Variants in NAA20 observed in about 807,000 individuals in gnomAD.
NAA20 encodes N-alpha-acetyltransferase 20, NatB catalytic subunit.
A neutral mutation model predicts 23.8 loss-of-function variants in NAA20; 24 were observed. The observed-to-expected ratio is 1.01, with a 90% CI of 0.73 to 1.42. The LOEUF is 1.42. NAA20 is among the 40% of genes most tolerant of loss of function. NAA20 has a pLI of 0.00. For missense variants in NAA20, 166 were observed against 223.1 expected, an observed-to-expected ratio of 0.74 and a Z score of 1.63; for synonymous variants, 83 against 77.7, an observed-to-expected ratio of 1.07 and a Z score of -0.36.
intron 4 of NAA20, among the ~76,000 whole-genome samples, chr20:20,028,768 CAAGTA>C (rs2043323395): frequency 6.6e-6 from 1 of 151,672 alleles, no homozygotes; most frequent in Admixed American, 6.6e-5. Flanking sequence ...AGAAACCAAA[CAAGTA>C]GAGGAGAAGA....
intron 1 of NAA20, among the ~76,000 whole-genome samples, chr20:20,020,840 A>G (rs961619623): frequency 3.3e-5 from 5 of 152,142 alleles, no homozygotes; most frequent in East Asian, 1.9e-4. Context: ...GTTCAAGAGG[A>G]GCTGATGGCT....
chr20:20,029,170 ATTT>A (rs1243697699), intron 4 of NAA20, among the ~76,000 whole-genome samples: 2 of 152,202 alleles, frequency 1.3e-5, no homozygotes, highest in Non-Finnish European at 2.9e-5. Flanking sequence ...ATATTAAAAT[ATTT>A]TTAATACAGA....
chr20:20,033,385 G>T lies in NAA20; in HGVS notation c.*198G>T, dbSNP rs1038974909. ...ATCATACCTATTAAAGCTGTTCATT[G>T]TAACAAAATTCAATCAAAAAGGCAG... On this transcript the variant is annotated 3_prime_UTR_variant, in exon 6 of 6. Transcript: ENST00000334982. 4 of 479,496 alleles carry T rather than the reference G, an allele frequency of 8.3e-6. No individual in the cohort carries two copies. The highest frequency in any genetic ancestry group is 3.5e-5 in the Admixed American group (1 of 28,400). The allele number at this position is 479,496 out of a possible 1,614,324, so 29.7% of individuals were successfully genotyped here.
At chr20:20,024,250 A>T (rs1376169678) in intron 2 of NAA20, among the ~76,000 whole-genome samples, 1 of 152,230 alleles carries the variant, frequency 6.6e-6, no homozygotes, top group Non-Finnish European at 1.5e-5. Context: ...ATGGTTAAGT[A>T]AATTAAGCTG....
chr20:20,032,834 T>C (rs1252737218), intron 5 of NAA20, among the ~76,000 whole-genome samples, 181 bp downstream of exon 5: 1 of 152,234 alleles, frequency 6.6e-6, no homozygotes, highest in Admixed American at 6.5e-5. Context: ...AACTAACCAA[T>C]GGTTAATTTC....
chr20:20,032,109 C>A (rs1401133208), intron 4 of NAA20, among the ~76,000 whole-genome samples: 1 of 151,848 alleles, frequency 6.6e-6, no homozygotes, highest in Non-Finnish European at 1.5e-5. Context: ...ACAAGCCCAG[C>A]CACTCTTGAA....
chr20:20,025,575 A>G (rs2043301185), intron 2 of NAA20, 102 bp from the exon 3 acceptor site: 1 of 793,986 alleles, frequency 1.3e-6, no homozygotes, highest in Non-Finnish European at 2.2e-6. Flanking sequence ...AGCTGGGGAT[A>G]AAGTAACAGT....
chr20:20,022,072 G>C (rs66828143), intron 1 of NAA20, among the ~76,000 whole-genome samples: 1 of 152,076 alleles, frequency 6.6e-6, no homozygotes, highest in African/African-American at 2.4e-5. Flanking sequence ...AGACACAGGC[G>C]GGGAGGATCC....
intron 3 of NAA20, 75 bp from the exon 4 acceptor site, chr20:20,026,709 T>C (rs1266630664): frequency 2.5e-6 from 4 of 1,569,986 alleles, no homozygotes; most frequent in East Asian, 2.3e-5. Flanking sequence ...AATAAAAACA[T>C]ACTGAACAGT....
In NAA20 at chr20:20,020,972, C is replaced by A. The variant is rs542391999; in HGVS notation, c.54-1484C>A. Among the ~76,000 whole-genome samples the A allele has an allele frequency of 7.0e-5, 10 of 143,182 alleles. No homozygotes were observed. In the East Asian group the frequency reaches 2.1e-3, roughly 30 times the overall value. 93.9% of individuals were successfully genotyped at this position (143,182 alleles called of 152,430 possible). On this transcript the variant is annotated intron_variant, in intron 1 of 5. Transcript: ENST00000334982. Reference sequence around the variant, plus strand: ...CTGAGGGGGTCTCTCGCCCGCACTCCGTGCCTATTGACAGGAGAGCAAGTA... The same window carrying A: ...CTGAGGGGGTCTCTCGCCCGCACTCAGTGCCTATTGACAGGAGAGCAAGTA...
At chr20:20,032,774 CT>C in intron 5 of NAA20, 121 bp downstream of exon 5, 2 of 1,261,974 alleles carry the variant, frequency 1.6e-6, no homozygotes, top group East Asian at 5.3e-5. Context: ...TTAAATTTCC[CT>C]CAACCTACCT....
At chr20:20,020,629 G>T (rs1223370302) in intron 1 of NAA20, among the ~76,000 whole-genome samples, 1 of 152,196 alleles carries the variant, frequency 6.6e-6, no homozygotes, top group Non-Finnish European at 1.5e-5. Context: ...GGCGTCTCAA[G>T]ATTAGGTCTG....
intron 1 of NAA20, chr20:20,017,876 C>T: frequency 3.2e-6 from 5 of 1,581,102 alleles, no homozygotes; most frequent in East Asian, 4.5e-5. Flanking sequence ...GCAGAGGGCA[C>T]CGCCGACGGC....
At chr20:20,033,032 TTACCTA>T in intron 5 of NAA20, 64 bp from the exon 6 acceptor site, 2 of 1,234,940 alleles carry the variant, frequency 1.6e-6, no homozygotes. Flanking sequence ...TATGGGAACT[TTACCTA>T]TACACTTTAC....
chr20:20,032,724 T>C, intron 5 of NAA20, 71 bp downstream of exon 5: 1 of 1,472,952 alleles, frequency 6.8e-7, no homozygotes. Flanking sequence ...ATTGTAGTAT[T>C]TGATTATTTT....
At chr20:20,031,520 G>C (rs2043343767) in intron 4 of NAA20, among the ~76,000 whole-genome samples, 1 of 151,868 alleles carries the variant, frequency 6.6e-6, no homozygotes, top group South Asian at 2.1e-4. Flanking sequence ...CCTCAGTGTA[G>C]AACTTTTTAA....
At chr20:20,029,027 T>C (rs1270553568) in intron 4 of NAA20, among the ~76,000 whole-genome samples, 1 of 152,122 alleles carries the variant, frequency 6.6e-6, no homozygotes, top group East Asian at 1.9e-4. Flanking sequence ...CCTCCCAGGC[T>C]CAAATGATTT....
At chr20:20,028,304 C>T (rs1445410623) in intron 4 of NAA20, among the ~76,000 whole-genome samples, 4 of 152,028 alleles carry the variant, frequency 2.6e-5, no homozygotes, top group South Asian at 2.1e-4. Flanking sequence ...CACATGGACA[C>T]AGGGAGGGGA....
At chr20:20,024,548 A>C (rs1395211444) in intron 2 of NAA20, among the ~76,000 whole-genome samples, 1 of 152,232 alleles carries the variant, frequency 6.6e-6, no homozygotes, top group Non-Finnish European at 1.5e-5. Flanking sequence ...TTCACTATAT[A>C]GGAAGGAAGG....
Sources: gnomAD v4.1 joint callset for allele counts (sites outside exome capture counted in the v4.1 genomes callset) on GRCh38, gnomAD v4.1.1 for gene constraint, MANE v1.5 for transcripts, NCBI Gene and HGNC (gene_info 2026-07-23, HGNC 2026-07-21) for gene names.